The following SNTG1 variants were observed in gnomAD, a reference collection of about 807,000 sequenced individuals.
SNTG1 encodes the protein gamma-1-syntrophin.
A neutral mutation model predicts 74.7 loss-of-function variants in SNTG1; 39 were observed. The ratio of observed to expected loss-of-function variants is 0.52; its 90% CI spans 0.40 to 0.68. SNTG1 has a LOEUF of 0.68. SNTG1 is among the 30% of genes least tolerant of loss of function. The probability of loss-of-function intolerance (pLI) is 0.00; values close to 1 mark genes in which losing one functional copy is unlikely to be tolerated. For missense variants in SNTG1, 685 were observed against 609.5 expected (o/e 1.12, Z -1.30); for synonymous variants, 254 against 217.1 (o/e 1.17, Z -1.49).
chr8:50,762,598 C>A, intron 18 of SNTG1: 1 of 390,878 alleles, frequency 2.6e-6, no homozygotes, highest in Non-Finnish European at 5.1e-6. Flanking sequence ...TCTCCAAATA[C>A]ACCATCAGTG....
chr8:50,788,266 C>A (rs1231239047), intron 18 of SNTG1, among the ~76,000 whole-genome samples: 1 of 151,962 alleles, frequency 6.6e-6, no homozygotes, highest in Non-Finnish European at 1.5e-5. Context: ...AAATCAAGAG[C>A]CATAATGGAA....
intron 1 of SNTG1, among the ~76,000 whole-genome samples, chr8:50,083,924 T>C (rs1035088815): frequency 6.6e-6 from 1 of 152,242 alleles, no homozygotes; most frequent in Non-Finnish European, 1.5e-5. Flanking sequence ...GGTTTTCTTA[T>C]TCTGCAATTT....
chr8:50,700,015 TAA>T (rs907035712), intron 15 of SNTG1, among the ~76,000 whole-genome samples: 1 of 152,142 alleles, frequency 6.6e-6, no homozygotes, highest in Admixed American at 6.5e-5. Flanking sequence ...TATTAATAAA[TAA>T]AAGAGAGGAG....
chr8:50,307,138 G>T (rs559228408), intron 2 of SNTG1, among the ~76,000 whole-genome samples: 9 of 151,992 alleles, frequency 5.9e-5, no homozygotes, highest in African/African-American at 1.9e-4. Flanking sequence ...ATTAAAATTT[G>T]AACTTTTTAA....
intron 18 of SNTG1, among the ~76,000 whole-genome samples, chr8:50,765,036 C>T (rs942094373): frequency 2.6e-5 from 4 of 151,900 alleles, no homozygotes; most frequent in Admixed American, 1.3e-4. Flanking sequence ...CAAATGTTCC[C>T]ACTTATATGT....
rs1337821249 is a variant in SNTG1 at position 50,021,291 on chromosome 8, C to T, written c.-103+109060C>T. Among the ~76,000 whole-genome samples, 3 of 152,246 alleles carry T rather than the reference C, an allele frequency of 2.0e-5. No individual in the cohort carries two copies. In the East Asian group the frequency reaches 5.8e-4, roughly 29 times the overall value. ...CTACATTGTCATTGTTTCTCACCAC[C>T]TTTATTTGAATCCTGTCAATTTTAC... On this transcript the variant is annotated intron_variant, in intron 1 of 18. Transcript: ENST00000642720.
At chr8:50,011,138 G>GAA in intron 1 of SNTG1, among the ~76,000 whole-genome samples, 1 of 152,198 alleles carries the variant, frequency 6.6e-6, no homozygotes, top group Non-Finnish European at 1.5e-5. Flanking sequence ...AAATATTGAG[G>GAA]ATGACAGAAT....
At chr8:50,424,227 T>C (rs961520669) in intron 4 of SNTG1, among the ~76,000 whole-genome samples, 2 of 152,110 alleles carry the variant, frequency 1.3e-5, no homozygotes, top group Non-Finnish European at 2.9e-5. Flanking sequence ...TCCCTCAGCA[T>C]CACTCCTCTC....
At chr8:50,780,072 A>G (rs2095654197) in intron 18 of SNTG1, among the ~76,000 whole-genome samples, 1 of 152,172 alleles carries the variant, frequency 6.6e-6, no homozygotes, top group South Asian at 2.1e-4. Context: ...CATGGTGGAT[A>G]AGCTTTTTGA....
At chr8:50,783,456 G>T (rs1196174872) in intron 18 of SNTG1, among the ~76,000 whole-genome samples, 1 of 152,210 alleles carries the variant, frequency 6.6e-6, no homozygotes, top group East Asian at 1.9e-4. Flanking sequence ...TCAGACTGCT[G>T]TGCTAGCAAT....
intron 18 of SNTG1, among the ~76,000 whole-genome samples, chr8:50,752,782 A>T (rs1427552895): frequency 4.6e-5 from 7 of 151,950 alleles, no homozygotes; most frequent in African/African-American, 1.7e-4. Flanking sequence ...TCCCTTGATG[A>T]TATTTTTGGC....
intron 4 of SNTG1, among the ~76,000 whole-genome samples, chr8:50,435,808 G>T (rs535956482): frequency 2.6e-5 from 4 of 152,056 alleles, no homozygotes; most frequent in Non-Finnish European, 5.9e-5. Context: ...GATTCTTTTG[G>T]TGGTTTCTGC....
intron 2 of SNTG1, among the ~76,000 whole-genome samples, chr8:50,246,408 A>T (rs903819227): frequency 6.6e-6 from 1 of 152,122 alleles, no homozygotes; most frequent in Admixed American, 6.5e-5. Context: ...GATACCAGCC[A>T]TTTAGTTTAT....
intron 1 of SNTG1, among the ~76,000 whole-genome samples, chr8:49,945,916 A>G (rs1809142919): frequency 6.6e-6 from 1 of 152,202 alleles, no homozygotes; most frequent in African/African-American, 2.4e-5. Flanking sequence ...TCATCGCTGT[A>G]TGAAAGCAGG....
intron 1 of SNTG1, among the ~76,000 whole-genome samples, chr8:50,087,276 C>T (rs1428234831): frequency 6.6e-6 from 1 of 152,130 alleles, no homozygotes. Flanking sequence ...ATTTGAACTT[C>T]CCCTGAAAGG....
At chr8:50,552,343 C>A (rs1021862996) in intron 11 of SNTG1, among the ~76,000 whole-genome samples, 56 of 152,240 alleles carry the variant, frequency 3.7e-4, no homozygotes, top group African/African-American at 1.3e-3. Flanking sequence ...TTTTAAAAGG[C>A]ATCATTTAAT....
intron 2 of SNTG1, among the ~76,000 whole-genome samples, chr8:50,274,508 T>C (rs1396757256): frequency 6.6e-6 from 1 of 152,190 alleles, no homozygotes; most frequent in East Asian, 1.9e-4. Flanking sequence ...AAAAAGTTTT[T>C]ACATTTCTTT....
At chr8:49,931,651 T>C (rs1807603137) in intron 1 of SNTG1, among the ~76,000 whole-genome samples, 1 of 152,078 alleles carries the variant, frequency 6.6e-6, no homozygotes, top group Admixed American at 6.6e-5. Context: ...ATAAACAAAC[T>C]AACAAACAAA....
At chr8:50,650,696 C>T (rs749215843) in intron 13 of SNTG1, among the ~76,000 whole-genome samples, 2 of 151,822 alleles carry the variant, frequency 1.3e-5, no homozygotes, top group Non-Finnish European at 2.9e-5. Context: ...TATTTCATTT[C>T]ATTTATTTAT....
Sources: allele counts gnomAD v4.1 joint callset (sites outside exome capture counted in the v4.1 genomes callset), GRCh38; gene constraint gnomAD v4.1.1; transcripts MANE v1.5; gene names NCBI Gene and HGNC (gene_info 2026-07-23, HGNC 2026-07-21).